FAM227A: variants seen among roughly 807,000 people sequenced by gnomAD.
FAM227A encodes the protein protein FAM227A.
A neutral mutation model predicts 74.7 loss-of-function variants in FAM227A; 80 were observed. That is an observed-to-expected ratio of 1.07 (90% CI 0.89 to 1.29). The LOEUF is 1.29. Ranked by LOEUF, FAM227A falls within the 50% of genes most tolerant of loss-of-function variation. The pLI, the probability that FAM227A is intolerant of heterozygous loss-of-function variation, is 0.00. For missense variants in FAM227A, 654 were observed against 683.4 expected (o/e 0.96, Z 0.48); for synonymous variants, 237 against 241.8 (o/e 0.98, Z 0.19).
intron 15 of FAM227A, among the ~76,000 whole-genome samples, 193 bp from the exon 16 acceptor site, chr22:38,591,733 A>G (rs1001792336): frequency 6.6e-6 from 1 of 152,190 alleles, no homozygotes; most frequent in African/African-American, 2.4e-5. Flanking sequence ...GAGCACGCCC[A>G]TGTAACCAGC....
intron 13 of FAM227A, among the ~76,000 whole-genome samples, chr22:38,603,969 A>T (rs999252835): frequency 6.6e-6 from 1 of 152,180 alleles, no homozygotes; most frequent in Non-Finnish European, 1.5e-5. Flanking sequence ...TCTAAAAGCC[A>T]TAAGAGACTA....
intron 9 of FAM227A, among the ~76,000 whole-genome samples, chr22:38,624,001 A>G (rs1263413839): frequency 6.6e-6 from 1 of 152,192 alleles, no homozygotes; most frequent in Non-Finnish European, 1.5e-5. Context: ...AAGAAGGTGT[A>G]GCCTTGGACG....
intron 10 of FAM227A, among the ~76,000 whole-genome samples, chr22:38,621,690 G>A (rs567937279): frequency 5.3e-5 from 8 of 152,266 alleles, no homozygotes; most frequent in Non-Finnish European, 7.4e-5. Flanking sequence ...AGGGTTTCAG[G>A]TATTCTATTA....
In FAM227A at chr22:38,584,183, T is replaced by C. The variant is rs1420629631; in HGVS notation, c.*1942A>G. 2 of 152,246 alleles carry C rather than the reference T, an allele frequency of 1.3e-5. No individual in the cohort carries two copies. The highest frequency in any genetic ancestry group is 2.4e-5 in the African/African-American group (1 of 41,428). The allele number at this position is 152,246 out of a possible 1,614,324, so 9.4% of individuals were successfully genotyped here. ...TATTGGTTTACACATCCTTCTCTTT[T>C]TTCCAGATTGTGAGCCCCATAAGGT... On this transcript the variant is annotated 3_prime_UTR_variant, in exon 17 of 17. Transcript: ENST00000535113.
At chr22:38,655,481 A>G (rs1294595500) in intron 1 of FAM227A, among the ~76,000 whole-genome samples, 1 of 152,038 alleles carries the variant, frequency 6.6e-6, no homozygotes, top group African/African-American at 2.4e-5. Context: ...TGCCACTGCA[A>G]TCCCAGCCTG....
At chr22:38,647,615 A>G (rs1007073490) in intron 2 of FAM227A, among the ~76,000 whole-genome samples, 1 of 152,116 alleles carries the variant, frequency 6.6e-6, no homozygotes, top group African/African-American at 2.4e-5. Context: ...TTATCACTTA[A>G]AATCTGTTCA....
rs1165890437 is a variant in FAM227A, at chr22:38,646,248, C to CTTT, written c.143-606_143-604dup. 1.3e-3 allele frequency among the ~76,000 whole-genome samples: 108 copies of CTTT among 82,394 alleles called. 7 individuals are homozygous for CTTT. Among genetic ancestry groups the CTTT allele is most frequent in the African/African-American group, 3.8e-3 (73 of 19,024 alleles). The allele number at this position is 82,394 out of a possible 152,430, so 54.1% of individuals were successfully genotyped here. A position where few individuals can be genotyped will look rare whatever the true frequency, so the allele number is the denominator to read the frequency against. On this transcript the variant is annotated intron_variant, in intron 2 of 16. Transcript: ENST00000535113. ...CTTGGGAATTTTCCTTCCAGTATTT[C>CTTT]TTTTTTTTTTTTTTTTTTTTTTTTT...
chr22:38,607,380 T>C lies in FAM227A; in HGVS notation c.1126+9A>G, dbSNP rs1265906276. Reference sequence around the variant, plus strand: ...AAGCCTACATTTCCCTTTTTGGTAGTCAATATACCTTTTGCAGTATTCTGC... The same window carrying C: ...AAGCCTACATTTCCCTTTTTGGTAGCCAATATACCTTTTGCAGTATTCTGC... On this transcript the variant is annotated intron_variant, in intron 12 of 16. Coordinates refer to ENST00000535113, the MANE Select transcript of FAM227A (RefSeq NM_001013647.2). 2 of 1,542,950 alleles carry C rather than the reference T, an allele frequency of 1.3e-6. No individual in the cohort carries two copies. The highest frequency in any genetic ancestry group is 1.8e-6 in the Non-Finnish European group (2 of 1,139,556).
At chr22:38,589,198 C>T (rs1271782366) in intron 16 of FAM227A, among the ~76,000 whole-genome samples, 1 of 152,078 alleles carries the variant, frequency 6.6e-6, no homozygotes, top group Admixed American at 6.6e-5. Context: ...GAGGCCTCTA[C>T]AAGCCAAGGA....
intron 6 of FAM227A, among the ~76,000 whole-genome samples, chr22:38,636,060 G>T (rs2091999141): frequency 7.0e-6 from 1 of 143,350 alleles, no homozygotes; most frequent in Non-Finnish European, 1.5e-5. Context: ...AAGAAGGAAA[G>T]AAAGAAAGAA....
At chr22:38,620,904 AT>A (rs2091676067) in intron 10 of FAM227A, among the ~76,000 whole-genome samples, 2 of 152,232 alleles carry the variant, frequency 1.3e-5, no homozygotes, top group Admixed American at 1.3e-4. Flanking sequence ...AGAAAAACCA[AT>A]TCAGAGCTCT....
At chr22:38,623,002 T>C (rs957413255) in intron 10 of FAM227A, among the ~76,000 whole-genome samples, 170 bp downstream of exon 10, 3 of 151,900 alleles carry the variant, frequency 2.0e-5, no homozygotes, top group African/African-American at 7.3e-5. Context: ...CCAACAATTA[T>C]GTTGTACACT....
At chr22:38,644,399 T>TCA in intron 3 of FAM227A, among the ~76,000 whole-genome samples, 1 of 149,150 alleles carries the variant, frequency 6.7e-6, no homozygotes, top group South Asian at 2.2e-4. Context: ...ATACATGTCA[T>TCA]TAAAGAGGTG....
At chr22:38,645,900 C>G (rs1427044748) in intron 2 of FAM227A, among the ~76,000 whole-genome samples, 1 of 152,110 alleles carries the variant, frequency 6.6e-6, no homozygotes, top group Non-Finnish European at 1.5e-5. Flanking sequence ...CCTCCCACCT[C>G]AGCCTCCCAA....
In FAM227A at chr22:38,581,456, T is replaced by C. The variant is rs1174815355; in HGVS notation, c.*4669A>G. 6.6e-6 allele frequency: 1 copy of C among 152,200 alleles called. No homozygotes were observed. The highest frequency in any genetic ancestry group is 1.9e-4 in the East Asian group (1 of 5,188). 9.4% of individuals were successfully genotyped at this position (152,200 alleles called of 1,614,324 possible). A position where few individuals can be genotyped will look rare whatever the true frequency, so the allele number is the denominator to read the frequency against. On this transcript the variant is annotated 3_prime_UTR_variant, in exon 17 of 17. Coordinates refer to ENST00000535113, the MANE Select transcript of FAM227A (RefSeq NM_001013647.2). ...TTTTAGGAAATATATACACATATTT[T>C]TGAGACAGAGTCTCACTGTGTTGTC...
At chr22:38,614,020 C>A (rs2091523809) in intron 11 of FAM227A, among the ~76,000 whole-genome samples, 1 of 152,138 alleles carries the variant, frequency 6.6e-6, no homozygotes, top group South Asian at 2.1e-4. Context: ...TGCATGGCAC[C>A]ACGCCCATCT....
At chr22:38,601,577 T>C (rs2091179099) in intron 13 of FAM227A, among the ~76,000 whole-genome samples, 1 of 152,104 alleles carries the variant, frequency 6.6e-6, no homozygotes, top group South Asian at 2.1e-4. Flanking sequence ...TTAAGGTCTC[T>C]TTGACTGATG....
chr22:38,607,375 G>A lies in FAM227A; in HGVS notation c.1126+14C>T. ...GCCAAAAGCCTACATTTCCCTTTTT[G>A]GTAGTCAATATACCTTTTGCAGTAT... On this transcript the variant is annotated intron_variant, in intron 12 of 16. Transcript: ENST00000535113. 6.5e-7 allele frequency: 1 copy of A among 1,529,446 alleles called. No individual in the cohort carries two copies. The highest frequency in any genetic ancestry group is 8.9e-7 in the Non-Finnish European group (1 of 1,128,020). 94.7% of individuals were successfully genotyped at this position (1,529,446 alleles called of 1,614,324 possible).
chr22:38,605,431 A>G, intron 12 of FAM227A, 83 bp from the exon 13 acceptor site: 3 of 780,138 alleles, frequency 3.8e-6, no homozygotes, highest in East Asian at 5.4e-5. Context: ...CTGGAATTAC[A>G]GGTGTGTGCC....
Sources: gnomAD v4.1 joint callset for allele counts (sites outside exome capture counted in the v4.1 genomes callset) on GRCh38, gnomAD v4.1.1 for gene constraint, MANE v1.5 for transcripts, NCBI Gene and HGNC (gene_info 2026-07-23, HGNC 2026-07-21) for gene names.